TRAF3: variants seen among roughly 807,000 people sequenced by gnomAD.
TRAF3 encodes the protein TNF receptor associated factor 3, also known as TNF receptor-associated factor 3.
In TRAF3, 13 loss-of-function variants were observed where a neutral mutation model predicts 62.3. The ratio of observed to expected loss-of-function variants is 0.21; its 90% CI spans 0.14 to 0.33. The LOEUF is 0.33. Ranked by LOEUF, TRAF3 falls within the 10% of genes least tolerant of loss-of-function variation. The pLI is 1.00. For missense variants in TRAF3, 440 were observed against 741.8 expected, an observed-to-expected ratio of 0.59 and a Z score of 4.73; for synonymous variants, 269 against 283.4, an observed-to-expected ratio of 0.95 and a Z score of 0.51.
intron 2 of TRAF3, among the ~76,000 whole-genome samples, chr14:102,843,643 TAGTC>T (rs751964358): frequency 1.1e-4 from 16 of 152,042 alleles, no homozygotes; most frequent in Non-Finnish European, 2.1e-4. Flanking sequence ...CAGGCTTAAA[TAGTC>T]AGTTTCCATC....
chr14:102,871,271 C>T (rs1241608546), intron 3 of TRAF3, among the ~76,000 whole-genome samples: 1 of 152,228 alleles, frequency 6.6e-6, no homozygotes, highest in Non-Finnish European at 1.5e-5. Context: ...TGTGGTCTTA[C>T]CCACTCATCC....
At chr14:102,810,157 T>C (rs1899035067) in intron 1 of TRAF3, among the ~76,000 whole-genome samples, 1 of 152,162 alleles carries the variant, frequency 6.6e-6, no homozygotes, top group African/African-American at 2.4e-5. Flanking sequence ...AAGAATGCTT[T>C]ACCAAAAAAC....
At chr14:102,830,943 G>C (rs1900643982) in intron 2 of TRAF3, among the ~76,000 whole-genome samples, 1 of 152,222 alleles carries the variant, frequency 6.6e-6, no homozygotes, top group Non-Finnish European at 1.5e-5. Flanking sequence ...CAAGTAATAA[G>C]AGGTTCGGCT....
At chr14:102,800,949 C>A (rs994692623) in intron 1 of TRAF3, among the ~76,000 whole-genome samples, 1 of 152,034 alleles carries the variant, frequency 6.6e-6, no homozygotes, top group Admixed American at 6.5e-5. Context: ...GAGGCCAAGG[C>A]GGGCGGATCA....
chr14:102,794,943 T>C (rs1450081689), intron 1 of TRAF3, among the ~76,000 whole-genome samples: 1 of 152,222 alleles, frequency 6.6e-6, no homozygotes, highest in African/African-American at 2.4e-5. Context: ...ACTAGTTCAT[T>C]TTAAAAATTT....
At chr14:102,801,082 C>T (rs894356434) in intron 1 of TRAF3, among the ~76,000 whole-genome samples, 49 of 152,292 alleles carry the variant, frequency 3.2e-4, no homozygotes, top group African/African-American at 1.1e-3. Flanking sequence ...AGGAGAATGG[C>T]GTAAACCCGG....
In TRAF3 at chr14:102,886,234, C is replaced by T. The variant is rs757814134; in HGVS notation, c.616C>T (p.His206Tyr). ...DCPCVVVSCP[H>Y]KCSVQTLLRS... ...TCCCTGCGTGGTGGTGTCCTGCCCT[C>T]ACAAGTGCAGCGTCCAGACTCTCCT... The change falls in exon 7 of 12, where the codon CAC (histidine) becomes TAC (tyrosine). Residue 206 changes from histidine (H) to tyrosine (Y), a missense_variant. Transcript: ENST00000392745. 2.5e-6 allele frequency: 4 copies of T among 1,612,778 alleles called. No homozygotes were observed. Among genetic ancestry groups the T allele is most frequent in the Non-Finnish European group, 3.4e-6 (4 of 1,179,694 alleles).
rs1358569330 is a variant in TRAF3, at chr14:102,900,179, GGAAAAA to G, written c.960+2779_960+2784del. Among the ~76,000 whole-genome samples the G allele has an allele frequency of 1.1e-3, 91 of 83,746 alleles. No homozygotes were observed. In the South Asian group the frequency reaches 0.019, roughly 17 times the overall value. 54.9% of individuals were successfully genotyped at this position (83,746 alleles called of 152,430 possible). A position where few individuals can be genotyped will look rare whatever the true frequency, so the allele number is the denominator to read the frequency against. ...GGGAGAAAGAGCAAGACTCCGTCTC[GGAAAAA>G]AAAAAAAAAAAAAAAAAAGACAGCC... is the stretch of plus-strand genomic sequence containing the variant. On this transcript the variant is annotated intron_variant, in intron 10 of 11. Transcript: ENST00000392745.
At chr14:102,849,542 TA>T (rs1886914506) in intron 2 of TRAF3, among the ~76,000 whole-genome samples, 1 of 152,262 alleles carries the variant, frequency 6.6e-6, no homozygotes, top group Non-Finnish European at 1.5e-5. Flanking sequence ...TCAAAGGCTT[TA>T]AGACCATGTG....
At chr14:102,837,685 C>A (rs888175741) in intron 2 of TRAF3, among the ~76,000 whole-genome samples, 2 of 151,828 alleles carry the variant, frequency 1.3e-5, no homozygotes, top group Non-Finnish European at 2.9e-5. Context: ...GTGGATGCAT[C>A]TATTGGGCTT....
At chr14:102,784,418 TCA>T (rs1356267966) in intron 1 of TRAF3, among the ~76,000 whole-genome samples, 1 of 152,056 alleles carries the variant, frequency 6.6e-6, no homozygotes, top group Non-Finnish European at 1.5e-5. Context: ...AAACAGGGTT[TCA>T]CCACGTTGGC....
chr14:102,882,165 T>C (rs1889106773), intron 6 of TRAF3, among the ~76,000 whole-genome samples: 1 of 152,084 alleles, frequency 6.6e-6, no homozygotes, highest in Admixed American at 6.5e-5. Context: ...AGTGAGGAGG[T>C]TGCCTTTCAT....
rs201415483 is a variant in TRAF3, at chr14:102,870,339, C to G, written c.138C>G (p.Thr46=). Residue 46 remains threonine (T), a synonymous_variant, in exon 3 of 12, where the codon ACC becomes ACG. Coordinates refer to ENST00000392745, the MANE Select transcript of TRAF3 (RefSeq NM_145725.3). ...GTTACAAGGAAAAGTTTGTGAAGAC[C>G]GTGGAGGACAAGTACAAGTGTGAGA... The part of the protein sequence containing the change: ...QGGYKEKFVK[T]VEDKYKCEKC... The G allele has an allele frequency of 6.2e-7, 1 of 1,614,190 alleles. No individual in the cohort carries two copies. Among genetic ancestry groups the G allele is most frequent in the South Asian group, 1.1e-5 (1 of 91,076 alleles).
chr14:102,848,405 GCCATAGACCAAGACCCTGTC>G (rs1886844177), intron 2 of TRAF3, among the ~76,000 whole-genome samples: 1 of 152,160 alleles, frequency 6.6e-6, no homozygotes, highest in Non-Finnish European at 1.5e-5. Context: ...GCCCAGGCTG[GCCATAGACCAAGACCCTGTC>G]CCTTTAAAAC....
intron 2 of TRAF3, among the ~76,000 whole-genome samples, chr14:102,847,970 C>T (rs1156281482): frequency 6.6e-6 from 1 of 152,040 alleles, no homozygotes; most frequent in African/African-American, 2.4e-5. Flanking sequence ...AGAGTAGTGG[C>T]CTGCATCTCT....
intron 1 of TRAF3, among the ~76,000 whole-genome samples, chr14:102,808,748 T>A (rs1384088263): frequency 2.0e-5 from 3 of 152,166 alleles, no homozygotes; most frequent in African/African-American, 4.8e-5. Context: ...CTGAGTCGAA[T>A]GACCAATGGC....
intron 9 of TRAF3, among the ~76,000 whole-genome samples, chr14:102,894,462 G>A (rs1283265493): frequency 6.6e-6 from 1 of 152,226 alleles, no homozygotes; most frequent in Non-Finnish European, 1.5e-5. Context: ...GTGGGCTGGA[G>A]TAAAGGATGT....
At chr14:102,877,627 C>A (rs1440666875) in intron 6 of TRAF3, among the ~76,000 whole-genome samples, 1 of 150,180 alleles carries the variant, frequency 6.7e-6, no homozygotes, top group African/African-American at 2.5e-5. Context: ...AGGCCTTCCG[C>A]TCAGCTCATA....
intron 6 of TRAF3, among the ~76,000 whole-genome samples, chr14:102,880,733 A>T (rs899426407): frequency 2.6e-5 from 4 of 152,258 alleles, no homozygotes; most frequent in Non-Finnish European, 4.4e-5. Context: ...GATAGACTGG[A>T]TAAAGAAAAT....
Sources: gnomAD v4.1 joint callset for allele counts (sites outside exome capture counted in the v4.1 genomes callset) on GRCh38, gnomAD v4.1.1 for gene constraint, MANE v1.5 for transcripts, NCBI Gene and HGNC (gene_info 2026-07-23, HGNC 2026-07-21) for gene names.